The following LPIN1 variants were observed in gnomAD, a reference collection of about 807,000 sequenced individuals.
LPIN1 encodes lipin 1.
LPIN1 carries 71 observed loss-of-function variants against 107.5 expected under a neutral mutation model. That is an observed-to-expected ratio of 0.66 (90% CI 0.55 to 0.80). The LOEUF (loss-of-function observed/expected upper bound fraction) is 0.80, where lower values mean the gene tolerates loss of function less well. Ranked by LOEUF, LPIN1 falls within the 30% of genes least tolerant of loss-of-function variation. LPIN1 has a pLI of 0.00. For synonymous variants in LPIN1, 445 were observed against 452.6 expected (o/e 0.98, Z 0.21); for missense variants, 1,043 against 1,160.6 (o/e 0.90, Z 1.47).
At chr2:11,689,179 T>C (rs1430235378) in intron 1 of LPIN1, among the ~76,000 whole-genome samples, 1 of 152,242 alleles carries the variant, frequency 6.6e-6, no homozygotes, top group Admixed American at 6.5e-5. Context: ...TTTTCCATAT[T>C]TTGTCCTACC....
At chr2:11,767,447 C>T (rs1256417998) in intron 2 of LPIN1, 1 of 345,322 alleles carries the variant, frequency 2.9e-6, no homozygotes, top group Middle Eastern at 9.3e-4. Context: ...TATTAGCTTG[C>T]TGCAAAAATA....
chr2:11,773,495 T>G, intron 4 of LPIN1, 125 bp from the exon 5 acceptor site: 1 of 813,610 alleles, frequency 1.2e-6, no homozygotes, highest in South Asian at 1.4e-5. Context: ...CTGGAACAGA[T>G]CTGGGTGTTT....
chr2:11,811,083 CCTT>C (rs983994036), intron 17 of LPIN1, among the ~76,000 whole-genome samples: 5 of 152,288 alleles, frequency 3.3e-5, no homozygotes, highest in African/African-American at 1.2e-4. Flanking sequence ...TCCCACCTGT[CCTT>C]CTGGGTATTG....
At chr2:11,802,363 G>C (rs186774641) in intron 14 of LPIN1, among the ~76,000 whole-genome samples, 40 of 152,338 alleles carry the variant, frequency 2.6e-4, no homozygotes, top group Non-Finnish European at 4.9e-4. Context: ...CGTATTCCTT[G>C]CTCATGGGAT....
At chr2:11,700,983 G>A (rs968775311) in intron 1 of LPIN1, among the ~76,000 whole-genome samples, 13 of 152,242 alleles carry the variant, frequency 8.5e-5, no homozygotes, top group Non-Finnish European at 1.6e-4. Context: ...CTCCTGAATC[G>A]CAGAGTCTAA....
At position 11,808,059 on chromosome 2, in the gene LPIN1, C is replaced by T. The variant is rs151020708; in HGVS notation, c.2249+2903C>T. Among the ~76,000 whole-genome samples the T allele has an allele frequency of 7.6e-3, 1,155 of 152,232 alleles. 11 individuals carry two copies. Among genetic ancestry groups the T allele is most frequent in the African/African-American group, 0.027 (1,107 of 41,528 alleles). On this transcript the variant is annotated intron_variant, in intron 17 of 20. Transcript: ENST00000674199. ...TTGACATGGCTTCCCCTCTGATTTT[C>T]GCTTCTCCATATTTTTATAGCCTTT...
In LPIN1 at chr2:11,782,265, G is replaced by A. The variant is rs773623670; in HGVS notation, c.1022G>A (p.Ser341Asn). 1 of 1,614,062 alleles carries A rather than the reference G, an allele frequency of 6.2e-7. No homozygotes were observed. The highest frequency in any genetic ancestry group is 1.3e-5 in the African/African-American group (1 of 74,918). The change falls in exon 8 of 21, where the codon AGT becomes AAT. Residue 341 changes from serine to asparagine, a missense_variant. Physicochemically the swap from Ser to Asn is conservative, Grantham distance 46. Transcript: ENST00000674199. ...PLSSRKICDK[S>N]HFQAIHSESS... is the part of the protein sequence containing the mutation. ...AGCAGTAGAAAAATTTGTGATAAAA[G>A]TCACTTTCAGGCCATTCACAGCGAA... is the stretch of plus-strand genomic sequence containing the variant.
chr2:11,763,450 G>A (rs1264920486), intron 1 of LPIN1, among the ~76,000 whole-genome samples: 1 of 152,188 alleles, frequency 6.6e-6, no homozygotes, highest in Non-Finnish European at 1.5e-5. Flanking sequence ...GGCATAACAC[G>A]GCGGCAGCTC....
intron 2 of LPIN1, among the ~76,000 whole-genome samples, chr2:11,716,583 AG>A (rs754603097): frequency 4.6e-5 from 7 of 151,726 alleles, no homozygotes; most frequent in Non-Finnish European, 1.0e-4. Context: ...CAAGCAGGGG[AG>A]GGGGTAGTGG....
chr2:11,824,252 G>T (rs1031486448), intron 20 of LPIN1, among the ~76,000 whole-genome samples: 2 of 151,650 alleles, frequency 1.3e-5, no homozygotes, highest in African/African-American at 4.8e-5. Context: ...TCTGTCAGGT[G>T]CTCCAAAGAT....
intron 1 of LPIN1, among the ~76,000 whole-genome samples, chr2:11,738,349 C>T (rs1373510971): frequency 6.7e-6 from 1 of 149,598 alleles, no homozygotes; most frequent in African/African-American, 2.5e-5. Flanking sequence ...CAAACCCGCA[C>T]GTTCTGCACA....
chr2:11,747,855 T>C (rs1000288059), intron 1 of LPIN1, among the ~76,000 whole-genome samples: 2 of 152,198 alleles, frequency 1.3e-5, no homozygotes, highest in Non-Finnish European at 2.9e-5. Flanking sequence ...ATGGGTTGTG[T>C]GTTTTGGCGC....
chr2:11,738,102 G>A (rs993098764), intron 1 of LPIN1, among the ~76,000 whole-genome samples: 19 of 152,258 alleles, frequency 1.2e-4, no homozygotes, highest in Admixed American at 3.9e-4. Flanking sequence ...GGATGAAGCT[G>A]GAAGCCATCA....
At chr2:11,686,000 G>T (rs531575601) in intron 1 of LPIN1, among the ~76,000 whole-genome samples, 3 of 152,268 alleles carry the variant, frequency 2.0e-5, no homozygotes, top group African/African-American at 7.2e-5. Flanking sequence ...TTGTGTAAGT[G>T]CAGCCTTCTC....
At chr2:11,740,441 G>A (rs377086714) in intron 1 of LPIN1, among the ~76,000 whole-genome samples, 1 of 152,100 alleles carries the variant, frequency 6.6e-6, no homozygotes, top group Non-Finnish European at 1.5e-5. Context: ...CGCACTTTGC[G>A]AGGTCGAAGC....
At chr2:11,799,525 C>T (rs1034038032) in intron 14 of LPIN1, among the ~76,000 whole-genome samples, 1 of 151,904 alleles carries the variant, frequency 6.6e-6, no homozygotes, top group Admixed American at 6.6e-5. Context: ...TCCAGGACCA[C>T]ATTTACCCCA....
At position 11,685,955 on chromosome 2, in the gene LPIN1, T is replaced by C. The variant is rs117354466; in HGVS notation, c.81+8227T>C. On this transcript the variant is annotated intron_variant, in intron 1 of 21. Transcript: ENST00000449576. ...GCACTTGGACATCCTGGGAGACAGATTGCCACCACCAATGTCCAGTGACCC... is the reference window on the plus strand; with the variant it reads ...GCACTTGGACATCCTGGGAGACAGACTGCCACCACCAATGTCCAGTGACCC... Among the ~76,000 whole-genome samples the C allele has an allele frequency of 1.6e-4, 24 of 152,290 alleles. No individual in the cohort carries two copies. In the East Asian group the frequency reaches 3.3e-3, roughly 21 times the overall value.
intron 8 of LPIN1, 145 bp from the exon 9 acceptor site, chr2:11,783,684 A>C (rs1227065216): frequency 3.9e-6 from 3 of 776,226 alleles, no homozygotes; most frequent in Non-Finnish European, 7.1e-6. Flanking sequence ...AATAGAACAC[A>C]CTTGGAACTG....
chr2:11,778,029 A>G (rs539062238), intron 6 of LPIN1, among the ~76,000 whole-genome samples: 82 of 152,266 alleles, frequency 5.4e-4, no homozygotes, highest in African/African-American at 1.9e-3. Context: ...CGAACACGTG[A>G]CTGTAGACGC....
Sources: allele counts gnomAD v4.1 joint callset (sites outside exome capture counted in the v4.1 genomes callset), GRCh38; gene constraint gnomAD v4.1.1; transcripts MANE v1.5; gene names NCBI Gene and HGNC (gene_info 2026-07-23, HGNC 2026-07-21).